The following PREX1 variants were observed in gnomAD, a reference collection of about 807,000 sequenced individuals.
The protein encoded by PREX1 is phosphatidylinositol-3,4,5-trisphosphate dependent Rac exchange factor 1.
A neutral mutation model predicts 198.3 loss-of-function variants in PREX1; 41 were observed. That is an observed-to-expected ratio of 0.21 (90% CI 0.16 to 0.27). The LOEUF is 0.27. Ranked by LOEUF, PREX1 falls within the 10% of genes least tolerant of loss-of-function variation. The probability of loss-of-function intolerance (pLI) is 1.00; values close to 1 mark genes in which losing one functional copy is unlikely to be tolerated. For missense variants in PREX1, 1,620 were observed against 2,200.7 expected, an observed-to-expected ratio of 0.74 and a Z score of 5.28; for synonymous variants, 843 against 887.2, an observed-to-expected ratio of 0.95 and a Z score of 0.89.
Position 48,827,608 on chromosome 20 carries a change from G to A in PREX1, c.219+34C>T, listed in dbSNP as rs770066732. 4.8e-6 allele frequency: 6 copies of A among 1,239,554 alleles called. No homozygotes were observed. The highest frequency in any genetic ancestry group is 6.1e-6 in the Non-Finnish European group (6 of 977,078). 76.8% of individuals were successfully genotyped at this position (1,239,554 alleles called of 1,614,324 possible). A position where few individuals can be genotyped will look rare whatever the true frequency, so the allele number is the denominator to read the frequency against. On this transcript the variant is annotated intron_variant, in intron 1 of 39. Coordinates refer to ENST00000371941, the MANE Select transcript of PREX1 (RefSeq NM_020820.4). The surrounding 1 kb of genome is among the most constrained non-coding windows in gnomAD (Gnocchi z 4.1). ...CCGCAGCGGGGCGAGCGGCTGGAGG[G>A]AAAGCTGTCCCCAAGCTCCCGAGCG... is the stretch of plus-strand genomic sequence containing the variant.
chr20:48,775,286 G>C (rs996422743), intron 1 of PREX1, among the ~76,000 whole-genome samples: 4 of 152,042 alleles, frequency 2.6e-5, no homozygotes, highest in Non-Finnish European at 5.9e-5. Context: ...AGACTGCGAA[G>C]CCTTACGAAG....
chr20:48,696,445 C>G (rs1247004550), intron 7 of PREX1, among the ~76,000 whole-genome samples: 15 of 152,196 alleles, frequency 9.9e-5, no homozygotes, highest in Non-Finnish European at 1.9e-4. Context: ...TGTCTGTTTT[C>G]ATACCAATAC....
intron 1 of PREX1, among the ~76,000 whole-genome samples, chr20:48,822,320 C>T (rs1365609703): frequency 1.3e-5 from 2 of 152,180 alleles, no homozygotes; most frequent in African/African-American, 2.4e-5. Context: ...ATGAACACAG[C>T]CTCATTTTGG....
the PREX1 span, among the ~76,000 whole-genome samples, chr20:48,875,409 G>A: frequency 1.3e-5 from 2 of 152,206 alleles, no homozygotes; most frequent in African/African-American, 4.8e-5. Context: ...GCTGGCAGAC[G>A]CTGGGCTGTG....
At position 48,661,462 on chromosome 20, in the gene PREX1, TATATATACAC is replaced by T. The variant is rs1475263001; in HGVS notation, c.1739-1411_1739-1402del. On this transcript the variant is annotated intron_variant, in intron 15 of 39. Transcript: ENST00000371941. The stretch of plus-strand genomic sequence containing the variant: ...AAAAAAAAATATATATATATATATA[TATATATACAC>T]ACACATATATATAATATAATATATA... Among the ~76,000 whole-genome samples the T allele has an allele frequency of 1.3e-3, 138 of 106,450 alleles. 8 individuals are homozygous for T. Among genetic ancestry groups the T allele is most frequent in the African/African-American group, 6.6e-3 (136 of 20,686 alleles). 69.8% of individuals were successfully genotyped at this position (106,450 alleles called of 152,430 possible).
chr20:48,744,978 A>G, intron 3 of PREX1, 47 bp downstream of exon 3: 1 of 1,602,856 alleles, frequency 6.2e-7, no homozygotes, highest in South Asian at 1.1e-5. Flanking sequence ...GGAGAAGCCC[A>G]CTTTTCAAAA....
intron 35 of PREX1, among the ~76,000 whole-genome samples, chr20:48,631,090 G>A (rs2089310821): frequency 6.6e-6 from 1 of 152,176 alleles, no homozygotes; most frequent in Non-Finnish European, 1.5e-5. Flanking sequence ...TCTCTCTTCT[G>A]AGCACTTCTC....
At chr20:48,679,540 G>T in intron 12 of PREX1, 111 bp downstream of exon 12, 1 of 1,377,236 alleles carries the variant, frequency 7.3e-7, no homozygotes, top group Non-Finnish European at 1.0e-6. Flanking sequence ...TGAGTTGTGG[G>T]CAGTGGAGAA....
At chr20:48,678,365 G>T (rs1232272452) in intron 13 of PREX1, among the ~76,000 whole-genome samples, 1 of 152,024 alleles carries the variant, frequency 6.6e-6, no homozygotes, top group Admixed American at 6.6e-5. Context: ...CAGCTACCTA[G>T]GAGGCTCAGG....
the PREX1 span, among the ~76,000 whole-genome samples, chr20:48,873,539 T>C: frequency 7.5e-6 from 1 of 134,074 alleles, no homozygotes; most frequent in Non-Finnish European, 1.6e-5. Context: ...TGAAACCCAG[T>C]CTCTAGTAAA....
At chr20:48,741,144 A>G (rs1008459288) in intron 3 of PREX1, among the ~76,000 whole-genome samples, 1 of 152,162 alleles carries the variant, frequency 6.6e-6, no homozygotes, top group African/African-American at 2.4e-5. Flanking sequence ...AGCATTAAAC[A>G]AATAATAATA....
chr20:48,752,761 A>C (rs1883743), intron 1 of PREX1, among the ~76,000 whole-genome samples: 8 of 152,034 alleles, frequency 5.3e-5, no homozygotes, highest in Admixed American at 2.0e-4. Flanking sequence ...TGACCTCCCA[A>C]GTATGCTACT....
chr20:48,729,126 G>A (rs2090022394), intron 4 of PREX1, among the ~76,000 whole-genome samples: 1 of 151,830 alleles, frequency 6.6e-6, no homozygotes, highest in African/African-American at 2.4e-5. Flanking sequence ...CGCCCAGGCT[G>A]GAGTGCAGTG....
chr20:48,635,043 C>T (rs6122708), intron 32 of PREX1, among the ~76,000 whole-genome samples: 61,636 of 152,096 alleles, frequency 0.41, 12,625 homozygotes, highest in Middle Eastern at 0.53. Context: ...GGATCACCAA[C>T]CAGGCTTCTA....
At chr20:48,759,443 G>A (rs943019496) in intron 1 of PREX1, among the ~76,000 whole-genome samples, 10 of 150,556 alleles carry the variant, frequency 6.6e-5, no homozygotes, top group African/African-American at 2.0e-4. Context: ...CCAGCTACTT[G>A]CGAGGCTAAG....
At chr20:48,750,613 A>C (rs2090129939) in intron 1 of PREX1, among the ~76,000 whole-genome samples, 1 of 152,030 alleles carries the variant, frequency 6.6e-6, no homozygotes, top group Non-Finnish European at 1.5e-5. Context: ...GTTCTCCCCC[A>C]TTCTGCCCTG....
Position 48,650,908 on chromosome 20 carries a change from C to T in PREX1, c.2803G>A (p.Ala935Thr). 2 of 1,614,182 alleles carry T rather than the reference C, an allele frequency of 1.2e-6. No individual in the cohort carries two copies. The highest frequency in any genetic ancestry group is 2.2e-5 in the South Asian group (2 of 91,082). ...TKLESIGQRI[A>T]CYQEFAAQLK... ...CACGCAGGCACCTCCTGGTAGCAGG[C>T]AATCCTCTGGCCAATGCTCTCCAGC... is the stretch of plus-strand genomic sequence containing the variant. The change falls in exon 23 of 40, where the codon GCC becomes ACC. Residue 935 changes from alanine (A) to threonine (T), a missense_variant. Ala to Thr is a moderately conservative substitution (Grantham distance 58). Transcript: ENST00000371941.
intron 1 of PREX1, among the ~76,000 whole-genome samples, chr20:48,772,899 C>T (rs2090243344): frequency 6.6e-6 from 1 of 152,200 alleles, no homozygotes; most frequent in Non-Finnish European, 1.5e-5. Context: ...GGATCCACAA[C>T]AAGAGCTACT....
At chr20:48,645,706 C>T (rs772560489) in intron 26 of PREX1, 145 bp downstream of exon 26, 80 of 953,782 alleles carry the variant, frequency 8.4e-5, no homozygotes, top group Non-Finnish European at 1.2e-4. Context: ...CAGATAATCC[C>T]CCAGAACCAC....
Sources: gnomAD v4.1 joint callset for allele counts (sites outside exome capture counted in the v4.1 genomes callset) on GRCh38, gnomAD v4.1.1 for gene constraint, Gnocchi (gnomAD v3.1) non-coding constraint, MANE v1.5 for transcripts, NCBI Gene and HGNC (gene_info 2026-07-23, HGNC 2026-07-21) for gene names.